The following LRRC4B variants were observed in gnomAD, a reference collection of about 807,000 sequenced individuals.
LRRC4B encodes the protein leucine rich repeat containing 4B, also known as leucine-rich repeat-containing protein 4B.
Under a neutral mutation model 7.3 loss-of-function variants are expected in LRRC4B, and 1 was observed. The ratio of observed to expected loss-of-function variants is 0.14; its 90% confidence interval spans 0.05 to 0.65. The LOEUF is 0.65. Ranked by LOEUF, LRRC4B falls within the 30% of genes least tolerant of loss-of-function variation. The probability of loss-of-function intolerance (pLI) is 0.84; values close to 1 mark genes in which losing one functional copy is unlikely to be tolerated. For missense variants in LRRC4B, 730 were observed against 1,041.6 expected (o/e 0.70, Z 4.12); for synonymous variants, 500 against 499.2 (o/e 1.00, Z -0.02).
intron 2 of LRRC4B, among the ~76,000 whole-genome samples, chr19:50,547,162 G>A (rs1981852108): frequency 6.6e-6 from 1 of 152,298 alleles, no homozygotes; most frequent in African/African-American, 2.4e-5. Context: ...GAGATGCAGG[G>A]CAGACTCAAA....
At chr19:50,527,608 C>T (rs1274612) in intron 2 of LRRC4B, among the ~76,000 whole-genome samples, 152,186 of 152,224 alleles carry the variant, frequency 1, 76,074 homozygotes, top group Non-Finnish European at 1. Context: ...TATGAACGGC[C>T]CTCTAGAGTA....
rs1601368616 is a variant in LRRC4B at position 50,519,333 on chromosome 19, A to C, written c.380T>G (p.Val127Gly). 1 of 1,612,864 alleles carries C rather than the reference A, an allele frequency of 6.2e-7. No individual in the cohort carries two copies. Among genetic ancestry groups the C allele is most frequent in the Non-Finnish European group, 8.5e-7 (1 of 1,180,000 alleles). The change falls in exon 3 of 3, where the codon GTG becomes GGG. Residue 127 changes from valine (V) to glycine (G), a missense_variant. Coordinates refer to ENST00000652263, the MANE Select transcript of LRRC4B (RefSeq NM_001080457.2). The surrounding 1 kb of genome is among the most constrained non-coding windows in gnomAD (Gnocchi z 8.1). ...GCTGGGCAGCCCGTTGAAGGCGCCC[A>C]CCTCGATCTTGCGCACCAGGTTCTT... is the stretch of plus-strand genomic sequence containing the variant. The part of the protein sequence containing the change: ...LSKNLVRKIE[V>G]GAFNGLPSLN...
At position 50,537,482 on chromosome 19, in the gene LRRC4B, G is replaced by A. The variant is rs553656432; in HGVS notation, c.297+11060C>T. Among the ~76,000 whole-genome samples, 39 of 152,300 alleles carry A rather than the reference G, an allele frequency of 2.6e-4. 1 individual carries two copies. The South Asian group carries it at 6.2e-3, about 24-fold the overall frequency. ...CAGAGAGGTGACTCAACGCCTTAGC[G>A]TCATTCGTGGAGGGGAGAACGCGGG... On this transcript the variant is annotated intron_variant, in intron 2 of 2. Transcript: ENST00000652263. The surrounding 1 kb of genome is among the most constrained non-coding windows in gnomAD (Gnocchi z 5.5).
rs1437690855 is a variant in LRRC4B at position 50,556,473 on chromosome 19, G to T, written c.-35-7600C>A. Reference sequence around the variant, plus strand: ...GGCCAGCCGGGGGTGCTCTTCCTGGGGTCAGGGGGGGCTCTGCGTTCCCAC... The same window carrying T: ...GGCCAGCCGGGGGTGCTCTTCCTGGTGTCAGGGGGGGCTCTGCGTTCCCAC... On this transcript the variant is annotated intron_variant, in intron 1 of 2. Coordinates refer to ENST00000652263, the MANE Select transcript of LRRC4B (RefSeq NM_001080457.2). This position sits in a 1 kb window ranked among gnomAD's most constrained non-coding sequence, Gnocchi z 4.2. 6.6e-6 allele frequency among the ~76,000 whole-genome samples: 1 copy of T among 152,072 alleles called. No homozygotes were observed. The highest frequency in any genetic ancestry group is 1.5e-5 in the Non-Finnish European group (1 of 67,996).
intron 1 of LRRC4B, among the ~76,000 whole-genome samples, chr19:50,549,916 A>G (rs1317503124): frequency 5.9e-5 from 9 of 152,090 alleles, no homozygotes. Flanking sequence ...TCTGGGAGGA[A>G]AGCAGACAGC....
At chr19:50,557,708 T>G (rs1982325538) in intron 1 of LRRC4B, 3 of 146,264 alleles carry the variant, frequency 2.1e-5, no homozygotes, top group African/African-American at 2.5e-5. Context: ...GGGTGGGGGG[T>G]GGTGGGGACC....
At chr19:50,546,538 G>A (rs1217222646) in intron 2 of LRRC4B, among the ~76,000 whole-genome samples, 1 of 152,110 alleles carries the variant, frequency 6.6e-6, no homozygotes, top group Non-Finnish European at 1.5e-5. Flanking sequence ...AAGAACCCCT[G>A]GGTGGGGAGG....
At chr19:50,520,116 G>A (rs1236963263) in intron 2 of LRRC4B, among the ~76,000 whole-genome samples, 1 of 147,708 alleles carries the variant, frequency 6.8e-6, no homozygotes, top group African/African-American at 2.5e-5. Context: ...TGAGGTGGGA[G>A]GATTGCGTGA....
At position 50,555,902 on chromosome 19, in the gene LRRC4B, G is replaced by C. The variant is rs1982258808; in HGVS notation, c.-35-7029C>G. The C allele has an allele frequency of 6.6e-6, 1 of 152,426 alleles. No homozygotes were observed. 9.4% of individuals were successfully genotyped at this position (152,426 alleles called of 1,614,324 possible). A position where few individuals can be genotyped will look rare whatever the true frequency, so the allele number is the denominator to read the frequency against. On this transcript the variant is annotated intron_variant, in intron 1 of 2. Transcript: ENST00000652263. The surrounding 1 kb of genome is among the most constrained non-coding windows in gnomAD (Gnocchi z 5.2). ...ACTGCGAGGGACTGGGGCAGAAGTG[G>C]AGCCTGGAGCCCAGAGGGTGGAGAG...
intron 1 of LRRC4B, among the ~76,000 whole-genome samples, chr19:50,562,816 C>A (rs1201052911): frequency 6.6e-6 from 1 of 151,034 alleles, no homozygotes; most frequent in Non-Finnish European, 1.5e-5. Context: ...TCTCGGCTCA[C>A]TGCAACCTCT....
intron 2 of LRRC4B, among the ~76,000 whole-genome samples, chr19:50,547,139 GA>G (rs1467292332): frequency 2.0e-5 from 3 of 152,258 alleles, no homozygotes; most frequent in African/African-American, 7.2e-5. Context: ...GATCGGTGGA[GA>G]CTGCAACTAG....
At position 50,519,640 on chromosome 19, in the gene LRRC4B, G is replaced by A. The variant is rs1461088433; in HGVS notation, c.298-225C>T. ...GCCTGTAATCTCAGCACTTTGGGAGGCCGAGGCAGGTGGATCACTTGAGGT... is the reference window on the plus strand; with the variant it reads ...GCCTGTAATCTCAGCACTTTGGGAGACCGAGGCAGGTGGATCACTTGAGGT... On this transcript the variant is annotated intron_variant, in intron 2 of 2. Transcript: ENST00000652263. The surrounding 1 kb of genome is among the most constrained non-coding windows in gnomAD (Gnocchi z 8.1). 1.3e-5 allele frequency among the ~76,000 whole-genome samples: 2 copies of A among 152,198 alleles called. No individual in the cohort carries two copies. Among genetic ancestry groups the A allele is most frequent in the Admixed American group, 6.5e-5 (1 of 15,278 alleles).
rs1982165972 is a variant in LRRC4B, at chr19:50,553,371, C to T, written c.-35-4498G>A. 6.6e-6 allele frequency among the ~76,000 whole-genome samples: 1 copy of T among 152,214 alleles called. No homozygotes were observed. The highest frequency in any genetic ancestry group is 6.5e-5 in the Admixed American group (1 of 15,278). ...GATGAGGACTTCAGTTTTCAGGTCT[C>T]CACTCTCCACCCCAGCTCCTCCTCT... On this transcript the variant is annotated intron_variant, in intron 1 of 2. Coordinates refer to ENST00000652263, the MANE Select transcript of LRRC4B (RefSeq NM_001080457.2). The surrounding 1 kb of genome is among the most constrained non-coding windows in gnomAD (Gnocchi z 4.2).
chr19:50,544,668 G>A (rs892839669), intron 2 of LRRC4B, among the ~76,000 whole-genome samples: 1 of 152,176 alleles, frequency 6.6e-6, no homozygotes, highest in Non-Finnish European at 1.5e-5. Flanking sequence ...ATGGCTGTGG[G>A]ATTATGGTTG....
intron 2 of LRRC4B, among the ~76,000 whole-genome samples, chr19:50,541,007 C>A (rs1166631875): frequency 6.6e-6 from 1 of 151,502 alleles, no homozygotes; most frequent in Admixed American, 6.6e-5. Context: ...CATGGTGAAA[C>A]CCTATCTCTA....
At position 50,517,764 on chromosome 19, in the gene LRRC4B, A is replaced by G. The variant is rs770830264; in HGVS notation, c.1949T>C (p.Leu650Pro). ...SGGGVGGDSHLALPALERDHL... is the reference protein window; with the variant it reads ...SGGGVGGDSHPALPALERDHL... The stretch of plus-strand genomic sequence containing the variant: ...GTCTCGCTCCAGGGCGGGCAGGGCC[A>G]GGTGGCTGTCCCCGCCCACACCACC... The change falls in exon 3 of 3, where the codon CTG (leucine) becomes CCG (proline). Residue 650 changes from leucine to proline, a missense_variant. Leu to Pro is a moderately conservative substitution (Grantham distance 98, BLOSUM62 -3). Coordinates refer to ENST00000652263, the MANE Select transcript of LRRC4B (RefSeq NM_001080457.2). This position sits in a 1 kb window ranked among gnomAD's most constrained non-coding sequence, Gnocchi z 6.6. 6.6e-7 allele frequency: 1 copy of G among 1,522,000 alleles called. No homozygotes were observed. Among genetic ancestry groups the G allele is most frequent in the Non-Finnish European group, 8.8e-7 (1 of 1,139,046 alleles). 94.3% of individuals were successfully genotyped at this position (1,522,000 alleles called of 1,614,324 possible). A position where few individuals can be genotyped will look rare whatever the true frequency, so the allele number is the denominator to read the frequency against.
chr19:50,552,553 C>T (rs1982110408), intron 1 of LRRC4B, among the ~76,000 whole-genome samples: 1 of 151,594 alleles, frequency 6.6e-6, no homozygotes, highest in South Asian at 2.1e-4. Flanking sequence ...CCCATCCATC[C>T]GTCCATCCAT....
intron 1 of LRRC4B, among the ~76,000 whole-genome samples, chr19:50,561,967 A>G (rs1267320021): frequency 8.0e-6 from 1 of 124,664 alleles, no homozygotes; most frequent in Admixed American, 9.8e-5. Flanking sequence ...ATAAATAAAT[A>G]AGCCAGGTGT....
At chr19:50,552,625 CAT>C in intron 1 of LRRC4B, among the ~76,000 whole-genome samples, 1 of 75,064 alleles carries the variant, frequency 1.3e-5, no homozygotes, top group African/African-American at 5.4e-5. Context: ...TCCATCCATC[CAT>C]TCATCCATCC....
Sources: gnomAD v4.1 joint callset for allele counts (sites outside exome capture counted in the v4.1 genomes callset) on GRCh38, gnomAD v4.1.1 for gene constraint, Gnocchi (gnomAD v3.1) non-coding constraint, MANE v1.5 for transcripts, NCBI Gene and HGNC (gene_info 2026-07-23, HGNC 2026-07-21) for gene names.